Variants in ALK observed in about 807,000 individuals in gnomAD.
ALK encodes ALK receptor tyrosine kinase.
In ALK, 74 loss-of-function variants were observed where a neutral mutation model predicts 163.1. The ratio of observed to expected loss-of-function variants is 0.45; its 90% CI spans 0.38 to 0.55. The LOEUF is 0.55. Among genes scored for constraint, ALK ranks in the 20% least tolerant of loss-of-function variants. The pLI, the probability that ALK is intolerant of heterozygous loss-of-function variation, is 0.00. For missense variants in ALK, 2,063 were observed against 2,105.3 expected (o/e 0.98, Z 0.39); for synonymous variants, 960 against 843.2 (o/e 1.14, Z -2.40).
chr2:29,544,939 G>T (rs1463842395), intron 3 of ALK, among the ~76,000 whole-genome samples: 1 of 152,164 alleles, frequency 6.6e-6, no homozygotes, highest in Admixed American at 6.5e-5. Context: ...CAGCATATTG[G>T]TGGTGGATCT....
At chr2:29,605,406 G>C (rs752230860) in intron 3 of ALK, among the ~76,000 whole-genome samples, 1 of 152,082 alleles carries the variant, frequency 6.6e-6, no homozygotes, top group African/African-American at 2.4e-5. Flanking sequence ...GGATTGAAAG[G>C]GGCCTTAAAA....
At chr2:29,417,986 C>G (rs1340639677) in intron 4 of ALK, among the ~76,000 whole-genome samples, 4 of 152,218 alleles carry the variant, frequency 2.6e-5, no homozygotes, top group Admixed American at 2.6e-4. Flanking sequence ...TGAAAATTGA[C>G]ATAAGAGGCC....
intron 3 of ALK, among the ~76,000 whole-genome samples, chr2:29,534,361 A>C (rs1444059785): frequency 3.9e-5 from 6 of 152,214 alleles, no homozygotes; most frequent in Non-Finnish European, 7.3e-5. Context: ...TTGAGGGTGG[A>C]TGACTGGGGT....
intron 4 of ALK, among the ~76,000 whole-genome samples, chr2:29,387,841 C>A (rs1445358893): frequency 6.6e-6 from 1 of 152,196 alleles, no homozygotes; most frequent in Admixed American, 6.5e-5. Flanking sequence ...ATTGAGTTAC[C>A]TGCAGACTTA....
At chr2:29,860,994 G>A (rs1666275313) in intron 1 of ALK, among the ~76,000 whole-genome samples, 1 of 152,062 alleles carries the variant, frequency 6.6e-6, no homozygotes, top group African/African-American at 2.4e-5. Context: ...AACATAGTAA[G>A]ACCCTATCTC....
At chr2:29,741,462 C>G (rs930965933) in intron 1 of ALK, among the ~76,000 whole-genome samples, 2 of 152,062 alleles carry the variant, frequency 1.3e-5, no homozygotes, top group Non-Finnish European at 1.5e-5. Context: ...AATTTTGCTG[C>G]GAACCTAAAA....
At chr2:29,584,919 G>T (rs1674836488) in intron 3 of ALK, among the ~76,000 whole-genome samples, 1 of 152,188 alleles carries the variant, frequency 6.6e-6, no homozygotes, top group Non-Finnish European at 1.5e-5. Context: ...CAGCTGGTTT[G>T]TTTTGCTTTA....
intron 11 of ALK, among the ~76,000 whole-genome samples, chr2:29,254,778 A>G (rs1219260656): frequency 6.6e-6 from 1 of 152,228 alleles, no homozygotes; most frequent in Non-Finnish European, 1.5e-5. Flanking sequence ...GTAACTTTGC[A>G]TTCAAGTTTT....
intron 5 of ALK, among the ~76,000 whole-genome samples, chr2:29,343,420 G>T (rs1012861373): frequency 2.0e-5 from 3 of 150,722 alleles, no homozygotes; most frequent in Non-Finnish European, 3.0e-5. Context: ...TCCCTATTTT[G>T]CCCAGTCTGA....
chr2:29,863,599 T>C (rs760093335), intron 1 of ALK, among the ~76,000 whole-genome samples: 7 of 152,162 alleles, frequency 4.6e-5, no homozygotes, highest in Non-Finnish European at 8.8e-5. Context: ...TTTGAATGGC[T>C]ATTATCAAAA....
chr2:29,502,878 G>A (rs1359865726), intron 4 of ALK, among the ~76,000 whole-genome samples: 1 of 152,214 alleles, frequency 6.6e-6, no homozygotes, highest in African/African-American at 2.4e-5. Context: ...CAGCTGGAAT[G>A]CATGCAGAGA....
chr2:29,193,434 C>T lies in ALK; in HGVS notation c.4653G>A (p.Pro1551=), dbSNP rs1376929970. 4 of 1,614,046 alleles carry T rather than the reference C, an allele frequency of 2.5e-6. No homozygotes were observed. The Admixed American group carries it at 5.0e-5, about 20-fold the overall frequency. ...VPPNVATGRL[P]GASLLLEPSS... ...AGGGCTCTAGGAGCAGTGAGGCCCCCGGAAGTCTCCCAGTTGCAACGTTAG... is the reference window on the plus strand; with the variant it reads ...AGGGCTCTAGGAGCAGTGAGGCCCCTGGAAGTCTCCCAGTTGCAACGTTAG... The change falls in exon 29 of 29, where the codon CCG becomes CCA. Residue 1551 remains proline (P), a synonymous_variant. Transcript: ENST00000389048.
chr2:29,291,417 G>C (rs1211868938), intron 9 of ALK, among the ~76,000 whole-genome samples: 1 of 152,068 alleles, frequency 6.6e-6, no homozygotes, highest in Non-Finnish European at 1.5e-5. Context: ...TGTTTTTCAA[G>C]TTTCTGCTAC....
At chr2:29,871,452 C>T (rs1305305709) in intron 1 of ALK, among the ~76,000 whole-genome samples, 1 of 152,094 alleles carries the variant, frequency 6.6e-6, no homozygotes, top group Non-Finnish European at 1.5e-5. Flanking sequence ...GATGGGAGTC[C>T]AAGGCTGGTC....
intron 3 of ALK, among the ~76,000 whole-genome samples, chr2:29,639,813 A>G (rs1041360601): frequency 6.6e-6 from 1 of 152,164 alleles, no homozygotes; most frequent in Non-Finnish European, 1.5e-5. Context: ...GTGTCTTTAC[A>G]TAGGGAACAG....
At chr2:29,795,960 A>G (rs1664298737) in intron 1 of ALK, among the ~76,000 whole-genome samples, 1 of 152,160 alleles carries the variant, frequency 6.6e-6, no homozygotes, top group Admixed American at 6.6e-5. Context: ...ACGGCCTTCG[A>G]ACTGCTTTTC....
intron 9 of ALK, among the ~76,000 whole-genome samples, chr2:29,293,102 A>G (rs1465781511): frequency 6.6e-6 from 1 of 152,242 alleles, no homozygotes; most frequent in Non-Finnish European, 1.5e-5. Flanking sequence ...GTCACAGAGT[A>G]ACAAATGCTG....
At chr2:29,700,607 AGTGT>A (rs963746185) in intron 2 of ALK, among the ~76,000 whole-genome samples, 1 of 152,120 alleles carries the variant, frequency 6.6e-6, no homozygotes, top group Non-Finnish European at 1.5e-5. Context: ...TGAACGAGTG[AGTGT>A]GTGTGCACAC....
At chr2:29,657,102 G>A (rs1016924041) in intron 3 of ALK, among the ~76,000 whole-genome samples, 3 of 152,096 alleles carry the variant, frequency 2.0e-5, no homozygotes, top group Admixed American at 2.0e-4. Flanking sequence ...GTGATCCAGT[G>A]CCCTTGCCCT....
Sources: allele counts gnomAD v4.1 joint callset (sites outside exome capture counted in the v4.1 genomes callset), GRCh38; gene constraint gnomAD v4.1.1; transcripts MANE v1.5; gene names NCBI Gene and HGNC (gene_info 2026-07-23, HGNC 2026-07-21).